Variants in SERPINB13 observed in about 807,000 individuals in gnomAD.
The protein encoded by SERPINB13 is serpin B13.
Under a neutral mutation model 31.2 loss-of-function variants are expected in SERPINB13, and 26 were observed. That is an observed-to-expected ratio of 0.83 (90% CI 0.61 to 1.15). The LOEUF (loss-of-function observed/expected upper bound fraction) is 1.15. Among genes scored for constraint, SERPINB13 ranks in the 50% most tolerant of loss-of-function variants. The pLI, the probability that SERPINB13 is intolerant of heterozygous loss-of-function variation, is 0.00. For synonymous variants in SERPINB13, 191 were observed against 172.4 expected, an observed-to-expected ratio of 1.11 and a Z score of -0.85; for missense variants, 510 against 469.4, an observed-to-expected ratio of 1.09 and a Z score of -0.80.
At chr18:63,590,577 T>C (rs1911794046) in intron 3 of SERPINB13, among the ~76,000 whole-genome samples, 1 of 152,222 alleles carries the variant, frequency 6.6e-6, no homozygotes, top group Non-Finnish European at 1.5e-5. Flanking sequence ...CAATGTTCCC[T>C]CAACTGAGAA....
At chr18:63,589,825 A>G in intron 3 of SERPINB13, 110 bp downstream of exon 3, 2 of 1,576,508 alleles carry the variant, frequency 1.3e-6, no homozygotes, top group Non-Finnish European at 1.7e-6. Flanking sequence ...GAAAGGCATG[A>G]AAGCAATATT....
At chr18:63,594,542 G>A (rs1236009693) in intron 6 of SERPINB13, 45 bp downstream of exon 6, 1 of 1,601,456 alleles carries the variant, frequency 6.2e-7, no homozygotes, top group Non-Finnish European at 8.5e-7. Context: ...CACATGGAAT[G>A]TAAAGTCTAA....
At chr18:63,588,538 TG>T in intron 1 of SERPINB13, 112 bp from the exon 2 acceptor site, 1 of 1,098,484 alleles carries the variant, frequency 9.1e-7, no homozygotes, top group Non-Finnish European at 1.3e-6. Flanking sequence ...ACCAAAAGGG[TG>T]GAAATCCCTG....
rs1912252734 is a variant in SERPINB13, at chr18:63,597,416, T to C, written c.*53T>C. ...TTTAGCAAAAAACAACTACCAGTGT[T>C]ACTCATATGATTATGAAAATCGTCC... On this transcript the variant is annotated 3_prime_UTR_variant, in exon 8 of 8. Transcript: ENST00000344731. 6.6e-7 allele frequency: 1 copy of C among 1,513,862 alleles called. No individual in the cohort carries two copies. The highest frequency in any genetic ancestry group is 8.9e-7 in the Non-Finnish European group (1 of 1,121,920). The allele number at this position is 1,513,862 out of a possible 1,614,324, so 93.8% of individuals were successfully genotyped here. A position where few individuals can be genotyped will look rare whatever the true frequency, so the allele number is the denominator to read the frequency against.
intron 7 of SERPINB13, 22 bp downstream of exon 7, chr18:63,595,206 T>A (rs1912096619): frequency 6.3e-7 from 1 of 1,589,890 alleles, no homozygotes. Flanking sequence ...CACCTCCTTA[T>A]TCTTTCTTTC....
chr18:63,587,885 AT>A (rs1416778262), intron 1 of SERPINB13, among the ~76,000 whole-genome samples: 1 of 152,258 alleles, frequency 6.6e-6, no homozygotes, highest in Non-Finnish European at 1.5e-5. Flanking sequence ...TTTTTGGCAA[AT>A]ATTAATTGCT....
intron 3 of SERPINB13, 143 bp downstream of exon 3, chr18:63,589,858 A>G (rs2144390640): frequency 1.4e-6 from 2 of 1,451,668 alleles, no homozygotes; most frequent in Non-Finnish European, 9.2e-7. Flanking sequence ...TTAAGCAATA[A>G]TAATCACCAT....
At chr18:63,588,031 T>C (rs1356243847) in intron 1 of SERPINB13, among the ~76,000 whole-genome samples, 1 of 152,238 alleles carries the variant, frequency 6.6e-6, no homozygotes, top group Non-Finnish European at 1.5e-5. Flanking sequence ...ATGTGGTTTC[T>C]GCTTCAGAAA....
rs763512662 is a variant in SERPINB13 at position 63,598,304 on chromosome 18, C to T, written c.*941C>T. The T allele has an allele frequency of 3.3e-5, 5 of 151,918 alleles. No homozygotes were observed. The highest frequency in any genetic ancestry group is 7.3e-5 in the African/African-American group (3 of 41,354). 9.4% of individuals were successfully genotyped at this position (151,918 alleles called of 1,614,324 possible). A position where few individuals can be genotyped will look rare whatever the true frequency, so the allele number is the denominator to read the frequency against. ...CTTTGTCAAACTACAATTTACATGC[C>T]GTAAAATGTACACACTGTAATTTTA... On this transcript the variant is annotated 3_prime_UTR_variant, in exon 8 of 8. Coordinates refer to ENST00000344731, the MANE Select transcript of SERPINB13 (RefSeq NM_012397.4).
intron 7 of SERPINB13, 33 bp from the exon 8 acceptor site, chr18:63,596,926 C>A: frequency 1.3e-6 from 2 of 1,517,388 alleles, no homozygotes; most frequent in South Asian, 1.3e-5. Flanking sequence ...TATTGATAAT[C>A]ATGCCATTCT....
intron 7 of SERPINB13, 104 bp from the exon 8 acceptor site, chr18:63,596,855 A>G (rs1348640129): frequency 8.6e-6 from 8 of 928,014 alleles, no homozygotes; most frequent in African/African-American, 5.0e-5. Context: ...TCTACTTTTA[A>G]TATTACTAAA....
At chr18:63,596,545 T>C in intron 7 of SERPINB13, among the ~76,000 whole-genome samples, 1 of 152,192 alleles carries the variant, frequency 6.6e-6, no homozygotes, top group Non-Finnish European at 1.5e-5. Context: ...TTCATAAGAA[T>C]ATTATCTAGC....
chr18:63,594,115 G>A, intron 5 of SERPINB13: 1 of 1,415,534 alleles, frequency 7.1e-7, no homozygotes, highest in Non-Finnish European at 9.4e-7. Context: ...AGAGGCATCT[G>A]ACCCCAGAGT....
rs1255893763 is a variant in SERPINB13, at chr18:63,597,062, ACG to A, written c.876_877del (p.Asp292GlufsTer19). ...CACTTGCCCCGGTTTGAGGTGGAGG[ACG>A]GTTACGATCTAGAGGCGGTCCTGGC... is the stretch of plus-strand genomic sequence containing the variant. On this transcript the variant is annotated frameshift_variant, in exon 8 of 8. Coordinates refer to ENST00000344731, the MANE Select transcript of SERPINB13 (RefSeq NM_012397.4). LOFTEE classifies it low-confidence loss of function (END_TRUNC). The A allele has an allele frequency of 6.2e-7, 1 of 1,614,184 alleles. No individual in the cohort carries two copies.
rs774306019 is a variant in SERPINB13, at chr18:63,597,396, CA to C, written c.*39del. 1.3e-6 allele frequency: 2 copies of C among 1,558,674 alleles called. No individual in the cohort carries two copies. The highest frequency in any genetic ancestry group is 1.9e-5 in the Admixed American group (1 of 53,350). On this transcript the variant is annotated 3_prime_UTR_variant, in exon 8 of 8. Coordinates refer to ENST00000344731, the MANE Select transcript of SERPINB13 (RefSeq NM_012397.4). ...GTTGCCATGGCATTGCTGCTTTTAG[CA>C]AAAAACAACTACCAGTGTTACTCAT... is the stretch of plus-strand genomic sequence containing the variant.
intron 7 of SERPINB13, among the ~76,000 whole-genome samples, chr18:63,595,670 C>T (rs183044586): frequency 9.2e-5 from 14 of 152,114 alleles, no homozygotes; most frequent in East Asian, 3.9e-4. Context: ...GAGGCTGAGG[C>T]GGGCGGATCA....
rs1054143226 is a variant in SERPINB13 at position 63,596,923 on chromosome 18, A to G, written c.772-36A>G. The stretch of plus-strand genomic sequence containing the variant: ...TACACTGTTTTAGATTTTTATTGAT[A>G]ATCATGCCATTCTACTCTTCTTTTT... On this transcript the variant is annotated intron_variant, in intron 7 of 7. Coordinates refer to ENST00000344731, the MANE Select transcript of SERPINB13 (RefSeq NM_012397.4). 3.3e-6 allele frequency: 5 copies of G among 1,510,754 alleles called. No individual in the cohort carries two copies. The South Asian group carries it at 3.8e-5, about 12-fold the overall frequency. The allele number at this position is 1,510,754 out of a possible 1,614,324, so 93.6% of individuals were successfully genotyped here. A position where few individuals can be genotyped will look rare whatever the true frequency, so the allele number is the denominator to read the frequency against.
In SERPINB13 at chr18:63,598,868, C is replaced by A. The variant is rs1452378629; in HGVS notation, c.*1505C>A. 6.6e-6 allele frequency: 1 copy of A among 152,130 alleles called. No homozygotes were observed. The highest frequency in any genetic ancestry group is 1.9e-4 in the East Asian group (1 of 5,208). 9.4% of individuals were successfully genotyped at this position (152,130 alleles called of 1,614,324 possible). On this transcript the variant is annotated 3_prime_UTR_variant, in exon 8 of 8. Coordinates refer to ENST00000344731, the MANE Select transcript of SERPINB13 (RefSeq NM_012397.4). ...TCCAACGTGACATTTTATATTCCCA[C>A]CAGGAATGTTTAAAACTAGTGTCTT...
chr18:63,593,708 GT>G (rs11343134), intron 5 of SERPINB13, among the ~76,000 whole-genome samples: 124,753 of 151,306 alleles, frequency 0.82, 51,580 homozygotes, highest in African/African-American at 0.9. Context: ...TTCAGAATGT[GT>G]TTTTTTTTTC....
Sources: gnomAD v4.1 joint callset for allele counts (sites outside exome capture counted in the v4.1 genomes callset) on GRCh38, gnomAD v4.1.1 for gene constraint, MANE v1.5 for transcripts, NCBI Gene and HGNC (gene_info 2026-07-23, HGNC 2026-07-21) for gene names.